RBFOX3: variants seen among roughly 807,000 people sequenced by gnomAD.
RBFOX3 encodes RNA binding fox-1 homolog 3.
RBFOX3 carries 17 observed loss-of-function variants against 48.7 expected under a neutral mutation model. That is an observed-to-expected ratio of 0.35 (90% CI 0.24 to 0.52). The LOEUF (loss-of-function observed/expected upper bound fraction) is 0.52. Among genes scored for constraint, RBFOX3 ranks in the 20% least tolerant of loss-of-function variants. The pLI, the probability that RBFOX3 is intolerant of heterozygous loss-of-function variation, is 0.94. For missense variants in RBFOX3, 382 were observed against 497.5 expected, an observed-to-expected ratio of 0.77 and a Z score of 2.21; for synonymous variants, 212 against 209.5, an observed-to-expected ratio of 1.01 and a Z score of -0.10.
At chr17:79,647,087 T>C in the RBFOX3 span, among the ~76,000 whole-genome samples, 3 of 139,312 alleles carry the variant, frequency 2.2e-5, no homozygotes, top group Non-Finnish European at 4.5e-5. Flanking sequence ...GTGTGTGTGA[T>C]CTCCTTGCAC....
At chr17:79,609,315 G>A (rs950526500) in intron 1 of RBFOX3, among the ~76,000 whole-genome samples, 99 of 152,158 alleles carry the variant, frequency 6.5e-4, no homozygotes, top group African/African-American at 2.2e-3. Context: ...CGGGGCGCCC[G>A]GGTGCATGCC....
rs546755442 is a variant in RBFOX3, at chr17:79,496,483, GCAA to G, written c.-319-13888_-319-13886del. On this transcript the variant is annotated intron_variant, in intron 1 of 14. Transcript: ENST00000693108. ...TTAAAAAATACACTAGCCAGCAACT[GCAA>G]CAACATTTGCTTTGCACAAACATTT... is the stretch of plus-strand genomic sequence containing the variant. Among the ~76,000 whole-genome samples the G allele has an allele frequency of 6.5e-4, 99 of 152,294 alleles. 4 individuals carry two copies. The South Asian group carries it at 0.018, about 28-fold the overall frequency.
the RBFOX3 span, among the ~76,000 whole-genome samples, chr17:79,648,069 G>A: frequency 6.6e-6 from 1 of 152,166 alleles, no homozygotes; most frequent in Admixed American, 6.5e-5. Context: ...ATCTCAGGGT[G>A]CAGTGGTGGA....
chr17:79,526,305 A>G (rs1026923444), intron 1 of RBFOX3, among the ~76,000 whole-genome samples: 6 of 152,148 alleles, frequency 3.9e-5, no homozygotes, highest in Non-Finnish European at 8.8e-5. Context: ...CAGCCCCCAC[A>G]TGATCATGAG....
At chr17:79,108,214 C>T (rs2077782676) in intron 5 of RBFOX3, among the ~76,000 whole-genome samples, 1 of 152,210 alleles carries the variant, frequency 6.6e-6, no homozygotes, top group African/African-American at 2.4e-5. Context: ...AGGGTCTTGG[C>T]TCCAGCCGTC....
intron 1 of RBFOX3, among the ~76,000 whole-genome samples, chr17:79,554,421 ACCCCTC>A (rs2091435697): frequency 1.8e-5 from 2 of 111,688 alleles, no homozygotes; most frequent in Non-Finnish European, 3.5e-5. Context: ...ACTCACAGTC[ACCCCTC>A]ACCTGGCCCT....
chr17:79,493,733 A>C (rs2081036111), intron 1 of RBFOX3, among the ~76,000 whole-genome samples: 1 of 152,250 alleles, frequency 6.6e-6, no homozygotes. Flanking sequence ...AACCAAGTGC[A>C]TGATATATCC....
At chr17:79,197,388 C>CTTTTTTTTTTT (rs72118967) in intron 4 of RBFOX3, among the ~76,000 whole-genome samples, 1 of 112,806 alleles carries the variant, frequency 8.9e-6, no homozygotes, top group Non-Finnish European at 1.9e-5. Flanking sequence ...TTCTTTCTTT[C>CTTTTTTTTTTT]TTTTTTTTTT....
intron 1 of RBFOX3, among the ~76,000 whole-genome samples, chr17:79,498,923 T>C (rs1476266682): frequency 1.4e-5 from 2 of 142,476 alleles, no homozygotes; most frequent in Non-Finnish European, 3.0e-5. Flanking sequence ...TACCCATCCA[T>C]CCACTCATCC....
chr17:79,227,235 C>A (rs1012079923), intron 4 of RBFOX3, among the ~76,000 whole-genome samples: 7 of 152,184 alleles, frequency 4.6e-5, no homozygotes, highest in Non-Finnish European at 2.9e-5. Flanking sequence ...AGAGGAGGGA[C>A]AAAGTAAGTC....
intron 4 of RBFOX3, among the ~76,000 whole-genome samples, chr17:79,132,439 G>A (rs1313571566): frequency 2.0e-5 from 3 of 152,222 alleles, no homozygotes; most frequent in Admixed American, 1.3e-4. Flanking sequence ...GAGTGTGCAC[G>A]TGTGTGTACT....
At chr17:79,628,465 T>C in the RBFOX3 span, among the ~76,000 whole-genome samples, 1 of 152,336 alleles carries the variant, frequency 6.6e-6, no homozygotes, top group South Asian at 2.1e-4. Flanking sequence ...GCAGAGTCCT[T>C]GTCTGCCATG....
intron 2 of RBFOX3, among the ~76,000 whole-genome samples, chr17:79,393,126 GAT>G (rs2061548336): frequency 6.6e-6 from 1 of 152,330 alleles, no homozygotes; most frequent in African/African-American, 2.4e-5. Flanking sequence ...AATGAACTGT[GAT>G]ATGAGCAAGA....
At chr17:79,640,061 G>A in the RBFOX3 span, among the ~76,000 whole-genome samples, 15 of 152,166 alleles carry the variant, frequency 9.9e-5, no homozygotes, top group South Asian at 2.1e-4. Flanking sequence ...GATGATATAC[G>A]TAGAAAACCC....
chr17:79,136,181 C>T (rs930331500), intron 4 of RBFOX3: 1 of 152,316 alleles, frequency 6.6e-6, no homozygotes, highest in African/African-American at 2.4e-5. Context: ...CCGTCACGCT[C>T]TCCCTGGCTC....
At chr17:79,508,130 C>T (rs995939373) in intron 1 of RBFOX3, among the ~76,000 whole-genome samples, 1 of 152,230 alleles carries the variant, frequency 6.6e-6, no homozygotes, top group East Asian at 1.9e-4. Context: ...ACGGTGAAAC[C>T]GGGGCAGAAA....
At chr17:79,104,680 CA>C (rs2077046375) in intron 6 of RBFOX3, among the ~76,000 whole-genome samples, 1 of 152,096 alleles carries the variant, frequency 6.6e-6, no homozygotes. Flanking sequence ...CCATTAGGGA[CA>C]AAGTGCCACA....
At chr17:79,133,133 G>C (rs889888970) in intron 4 of RBFOX3, among the ~76,000 whole-genome samples, 5 of 152,176 alleles carry the variant, frequency 3.3e-5, no homozygotes, top group African/African-American at 1.2e-4. Context: ...GGAGCTCATG[G>C]TGGCCTCCTG....
chr17:79,236,098 T>C (rs1348770934), intron 3 of RBFOX3, among the ~76,000 whole-genome samples: 1 of 152,042 alleles, frequency 6.6e-6, no homozygotes, highest in East Asian at 1.9e-4. Context: ...TGGATGTTCC[T>C]TTTTTTCCCC....
Sources: allele counts gnomAD v4.1 joint callset (sites outside exome capture counted in the v4.1 genomes callset), GRCh38; gene constraint gnomAD v4.1.1; transcripts MANE v1.5; gene names NCBI Gene and HGNC (gene_info 2026-07-23, HGNC 2026-07-21).